The following DKK2 variants were observed in gnomAD, a reference collection of about 807,000 sequenced individuals.
DKK2 encodes dickkopf Wnt signaling pathway inhibitor 2, also known as dickkopf-related protein 2.
A neutral mutation model predicts 28.1 loss-of-function variants in DKK2; 11 were observed. That is an observed-to-expected ratio of 0.39 (90% CI 0.25 to 0.65). DKK2 has a LOEUF of 0.65. Ranked by LOEUF, DKK2 falls within the 30% of genes least tolerant of loss-of-function variation. The probability of loss-of-function intolerance (pLI) is 0.47; values close to 1 mark genes in which losing one functional copy is unlikely to be tolerated. For missense variants in DKK2, 326 were observed against 335.5 expected (o/e 0.97, Z 0.22); for synonymous variants, 135 against 126.5 (o/e 1.07, Z -0.45).
intron 1 of DKK2, among the ~76,000 whole-genome samples, chr4:107,007,145 C>T (rs1723449400): frequency 6.6e-6 from 1 of 151,926 alleles, no homozygotes. Flanking sequence ...TGATTTTTTT[C>T]CTCCAGTGGG....
intron 1 of DKK2, among the ~76,000 whole-genome samples, chr4:106,959,848 C>T (rs1722660010): frequency 6.6e-6 from 1 of 151,880 alleles, no homozygotes; most frequent in Non-Finnish European, 1.5e-5. Flanking sequence ...CAATGAAGTT[C>T]AAGTAATTTT....
At chr4:107,006,053 A>T (rs968078816) in intron 1 of DKK2, among the ~76,000 whole-genome samples, 28 of 152,196 alleles carry the variant, frequency 1.8e-4, no homozygotes, top group African/African-American at 6.8e-4. Context: ...GTAAAAACTA[A>T]TCATTACTTC....
chr4:106,983,489 T>C (rs1171463454), intron 1 of DKK2, among the ~76,000 whole-genome samples: 1 of 151,940 alleles, frequency 6.6e-6, no homozygotes, highest in Non-Finnish European at 1.5e-5. Flanking sequence ...CATGAAACAA[T>C]AAAAGTTTTA....
At chr4:107,032,995 G>C (rs566381308) in intron 1 of DKK2, among the ~76,000 whole-genome samples, 1 of 150,974 alleles carries the variant, frequency 6.6e-6, no homozygotes, top group Admixed American at 6.6e-5. Flanking sequence ...AAAAGATAAA[G>C]AGACTCATAA....
At chr4:107,013,599 G>A (rs1184605355) in intron 1 of DKK2, among the ~76,000 whole-genome samples, 1 of 151,322 alleles carries the variant, frequency 6.6e-6, no homozygotes, top group East Asian at 1.9e-4. Context: ...AGGAAAAAAT[G>A]CAGGAGAAAT....
intron 1 of DKK2, among the ~76,000 whole-genome samples, chr4:107,030,011 C>A (rs981362933): frequency 6.6e-6 from 1 of 151,822 alleles, no homozygotes; most frequent in African/African-American, 2.4e-5. Context: ...TTCAGGTTCC[C>A]AAAATATAAT....
intron 1 of DKK2, among the ~76,000 whole-genome samples, chr4:107,015,199 A>T (rs537629323): frequency 6.6e-6 from 1 of 151,706 alleles, no homozygotes; most frequent in South Asian, 2.1e-4. Context: ...TTAAAGTTTC[A>T]CATAGGTACC....
intron 1 of DKK2, among the ~76,000 whole-genome samples, chr4:107,009,782 A>T (rs1723490158): frequency 6.6e-6 from 1 of 151,976 alleles, no homozygotes; most frequent in East Asian, 1.9e-4. Context: ...TTCTTGAACA[A>T]GTATCAAAGT....
At chr4:107,009,370 T>C (rs1008087499) in intron 1 of DKK2, among the ~76,000 whole-genome samples, 1 of 151,980 alleles carries the variant, frequency 6.6e-6, no homozygotes, top group Admixed American at 6.6e-5. Flanking sequence ...TAATCTGGAC[T>C]GGCAGCAATC....
intron 1 of DKK2, among the ~76,000 whole-genome samples, chr4:106,939,911 G>C (rs2110343255): frequency 6.6e-6 from 1 of 152,288 alleles, no homozygotes. Context: ...GCCATATGTA[G>C]AAAGCTGAAA....
intron 1 of DKK2, among the ~76,000 whole-genome samples, chr4:106,961,565 GCA>G (rs34597899): frequency 0.13 from 17,872 of 135,660 alleles, 1,400 homozygotes; most frequent in Non-Finnish European, 0.19. Context: ...CCAACAGCCT[GCA>G]CACACACACA....
Position 106,945,795 on chromosome 4 carries a change from G to A in DKK2, c.223-19846C>T, listed in dbSNP as rs762075533. ...TTTTCTATTGAGGACAAGATTTGCC[G>A]AAAATAACACAAAAATTGTCTGGGA... is the stretch of plus-strand genomic sequence containing the variant. On this transcript the variant is annotated intron_variant, in intron 1 of 3. Coordinates refer to ENST00000285311, the MANE Select transcript of DKK2 (RefSeq NM_014421.3). 4.6e-5 allele frequency among the ~76,000 whole-genome samples: 7 copies of A among 152,076 alleles called. 1 individual carries two copies. The South Asian group carries it at 8.3e-4, about 18-fold the overall frequency.
At chr4:106,987,798 A>C (rs1429663192) in intron 1 of DKK2, among the ~76,000 whole-genome samples, 1 of 152,086 alleles carries the variant, frequency 6.6e-6, no homozygotes, top group Admixed American at 6.6e-5. Context: ...TCTTTAAAAA[A>C]AATAGTTAAA....
intron 1 of DKK2, among the ~76,000 whole-genome samples, chr4:106,965,986 A>G (rs968447997): frequency 9.9e-5 from 15 of 151,844 alleles, no homozygotes; most frequent in African/African-American, 3.6e-4. Flanking sequence ...TTCTTAATCC[A>G]GTCTATCATT....
chr4:106,951,412 T>A (rs1221492067), intron 1 of DKK2, among the ~76,000 whole-genome samples: 14 of 152,110 alleles, frequency 9.2e-5, no homozygotes, highest in Admixed American at 9.2e-4. Flanking sequence ...TATTCACAAT[T>A]GCAAAGATAT....
chr4:107,026,259 T>C (rs921596185), intron 1 of DKK2, among the ~76,000 whole-genome samples: 2 of 152,204 alleles, frequency 1.3e-5, no homozygotes, highest in African/African-American at 4.8e-5. Flanking sequence ...GTTATTAAAA[T>C]ATTCAAACGT....
chr4:106,959,023 A>G (rs1722648589), intron 1 of DKK2, among the ~76,000 whole-genome samples: 1 of 151,926 alleles, frequency 6.6e-6, no homozygotes, highest in Non-Finnish European at 1.5e-5. Flanking sequence ...AGGTTAATAT[A>G]TGAATATAAA....
At chr4:107,029,528 G>A (rs55673045) in intron 1 of DKK2, among the ~76,000 whole-genome samples, 2,078 of 152,186 alleles carry the variant, frequency 0.014, 55 homozygotes, top group African/African-American at 0.048. Flanking sequence ...TCAATTAATG[G>A]TACCCTTTAT....
chr4:106,940,167 C>T (rs528039366), intron 1 of DKK2, among the ~76,000 whole-genome samples: 1 of 152,290 alleles, frequency 6.6e-6, no homozygotes, highest in African/African-American at 2.4e-5. Context: ...TCAGAGTGAA[C>T]AGGCAACCTG....
Sources: allele counts gnomAD v4.1 joint callset (sites outside exome capture counted in the v4.1 genomes callset), GRCh38; gene constraint gnomAD v4.1.1; transcripts MANE v1.5; gene names NCBI Gene and HGNC (gene_info 2026-07-23, HGNC 2026-07-21).